Variants in ZBTB8OS observed in about 807,000 individuals in gnomAD.
ZBTB8OS encodes the protein tRNA-splicing ligase-activating factor archease.
A neutral mutation model predicts 29.3 loss-of-function variants in ZBTB8OS; 16 were observed. That is an observed-to-expected ratio of 0.55 (90% CI 0.37 to 0.83). The LOEUF (loss-of-function observed/expected upper bound fraction) is 0.83. Ranked by LOEUF, ZBTB8OS falls within the 40% of genes least tolerant of loss-of-function variation. ZBTB8OS has a pLI of 0.00. For missense variants in ZBTB8OS, 160 were observed against 196.9 expected (o/e 0.81, Z 1.12); for synonymous variants, 70 against 64.6 (o/e 1.08, Z -0.40).
At chr1:32,630,582 TTAAA>T (rs1288073408) in intron 5 of ZBTB8OS, among the ~76,000 whole-genome samples, 1 of 148,630 alleles carries the variant, frequency 6.7e-6, no homozygotes, top group Non-Finnish European at 1.5e-5. Flanking sequence ...TCAAATTAAA[TTAAA>T]TTAAATGGAG....
chr1:32,625,107 C>T (rs1248146634), intron 6 of ZBTB8OS, among the ~76,000 whole-genome samples: 1 of 150,162 alleles, frequency 6.7e-6, no homozygotes. Context: ...CCTGTAATCC[C>T]AGCTACTCGG....
At chr1:32,631,934 T>C in intron 4 of ZBTB8OS, 55 bp from the exon 5 acceptor site, 1 of 800,420 alleles carries the variant, frequency 1.2e-6, no homozygotes, top group Non-Finnish European at 1.8e-6. Flanking sequence ...GACTATCTAC[T>C]AAAAATCTTT....
rs1645824766 is a variant in ZBTB8OS at position 32,634,741 on chromosome 1, AAAGGAATG to A, written c.122+19_122+26del. On this transcript the variant is annotated intron_variant, in intron 2 of 6. Coordinates refer to ENST00000468695, the MANE Select transcript of ZBTB8OS (RefSeq NM_178547.5). ...TCAGTCTTCCTACTGACGTGGTTTC[AAAGGAATG>A]AACTCCCGCTATACTCACTGGACAT... 6.2e-7 allele frequency: 1 copy of A among 1,613,986 alleles called. No homozygotes were observed. Among genetic ancestry groups the A allele is most frequent in the Non-Finnish European group, 8.5e-7 (1 of 1,179,910 alleles).
At chr1:32,628,192 T>C (rs58647911) in intron 5 of ZBTB8OS, among the ~76,000 whole-genome samples, 10,137 of 150,960 alleles carry the variant, frequency 0.067, 1,115 homozygotes, top group African/African-American at 0.23. Context: ...ACCCTGTCTC[T>C]ACTAAAAACA....
chr1:32,634,831 CTT>C, intron 1 of ZBTB8OS, 39 bp from the exon 2 acceptor site: 3 of 1,334,160 alleles, frequency 2.2e-6, no homozygotes, highest in Non-Finnish European at 1.1e-6. Flanking sequence ...AGACACTAAA[CTT>C]GACTCTCAAA....
intron 6 of ZBTB8OS, among the ~76,000 whole-genome samples, chr1:32,624,455 G>A (rs1205926812): frequency 1.3e-5 from 2 of 152,214 alleles, no homozygotes; most frequent in South Asian, 4.1e-4. Context: ...CTGAATGCAT[G>A]CATAAATTCA....
chr1:32,630,969 C>T (rs1015284290), intron 5 of ZBTB8OS, among the ~76,000 whole-genome samples: 7 of 151,932 alleles, frequency 4.6e-5, no homozygotes, highest in African/African-American at 1.7e-4. Context: ...GCTGAGATCA[C>T]ACACTCCAGC....
chr1:32,633,409 A>G (rs1486427484), intron 4 of ZBTB8OS: 2 of 401,462 alleles, frequency 5.0e-6, no homozygotes, highest in Non-Finnish European at 9.0e-6. Flanking sequence ...GTACATTTTT[A>G]TCACACAATC....
chr1:32,644,445 A>T (rs1460113920), intron 1 of ZBTB8OS, among the ~76,000 whole-genome samples: 1 of 151,914 alleles, frequency 6.6e-6, no homozygotes, highest in Non-Finnish European at 1.5e-5. Flanking sequence ...GAGTTAGTAA[A>T]TACCAGGTTG....
chr1:32,648,210 A>T (rs1647002137), intron 1 of ZBTB8OS, among the ~76,000 whole-genome samples: 1 of 152,246 alleles, frequency 6.6e-6, no homozygotes, highest in South Asian at 2.1e-4. Flanking sequence ...GTATGGTAAC[A>T]ATTAGTAGAA....
chr1:32,627,752 TA>T (rs1421955714), intron 5 of ZBTB8OS: 1 of 576,502 alleles, frequency 1.7e-6, no homozygotes, highest in African/African-American at 1.9e-5. Context: ...GGTTGATAGT[TA>T]AGGCCAGGTG....
chr1:32,641,065 G>C (rs142402743), intron 1 of ZBTB8OS, among the ~76,000 whole-genome samples: 2 of 149,262 alleles, frequency 1.3e-5, no homozygotes, highest in Admixed American at 1.3e-4. Context: ...CCAGCTAATC[G>C]GGAGGCCGAG....
At chr1:32,647,908 C>A (rs1196663007) in intron 1 of ZBTB8OS, among the ~76,000 whole-genome samples, 1 of 152,150 alleles carries the variant, frequency 6.6e-6, no homozygotes, top group Non-Finnish European at 1.5e-5. Context: ...TCCCCTACAA[C>A]CCCCGTTGGT....
In ZBTB8OS at chr1:32,628,971, T is replaced by TA. The variant is rs527382584; in HGVS notation, c.381-1428dup. Among the ~76,000 whole-genome samples, 72 of 152,082 alleles carry TA rather than the reference T, an allele frequency of 4.7e-4. No homozygotes were observed. The East Asian group carries it at 0.013, about 28-fold the overall frequency. ...AACAAAAAATTAATTTTAAAAACTT[T>TA]AAAAAAAGGTTGATAGTTGATCTCA... On this transcript the variant is annotated intron_variant, in intron 5 of 6. Transcript: ENST00000468695.
At chr1:32,649,668 A>ACACAC (rs1491538426) in intron 1 of ZBTB8OS, among the ~76,000 whole-genome samples, 1 of 31,126 alleles carries the variant, frequency 3.2e-5, no homozygotes, top group Non-Finnish European at 6.4e-5. Context: ...ACACACACAC[A>ACACAC]TTTTTTTTTT....
chr1:32,640,641 AAGT>A lies in ZBTB8OS; in HGVS notation c.98-5852_98-5850del, dbSNP rs1180196349. 4.6e-5 allele frequency among the ~76,000 whole-genome samples: 7 copies of A among 152,070 alleles called. No homozygotes were observed. In the East Asian group the frequency reaches 1.2e-3, roughly 25 times the overall value. Reference sequence around the variant, plus strand: ...GTGATACTTCTGCCTCAAGTCTCCCAAGTGGTAAGGACTACAGACACGCACCAC... The same window carrying A: ...GTGATACTTCTGCCTCAAGTCTCCCAGGTAAGGACTACAGACACGCACCAC... On this transcript the variant is annotated intron_variant, in intron 1 of 6. Transcript: ENST00000468695.
chr1:32,643,867 TG>T (rs1646629264), intron 1 of ZBTB8OS, among the ~76,000 whole-genome samples: 1 of 151,868 alleles, frequency 6.6e-6, no homozygotes, highest in African/African-American at 2.4e-5. Flanking sequence ...TTGCACAGGT[TG>T]CTCAAACTCC....
intron 1 of ZBTB8OS, among the ~76,000 whole-genome samples, chr1:32,642,730 T>C (rs1293210844): frequency 4.4e-5 from 2 of 45,950 alleles, no homozygotes; most frequent in Non-Finnish European, 9.1e-5. Flanking sequence ...CAATCTTTTA[T>C]CTTAACCAGA....
In ZBTB8OS at chr1:32,633,933, T is replaced by C. The variant is rs539155110; in HGVS notation, c.244+18A>G. On this transcript the variant is annotated intron_variant, in intron 3 of 6. Coordinates refer to ENST00000468695, the MANE Select transcript of ZBTB8OS (RefSeq NM_178547.5). The stretch of plus-strand genomic sequence containing the variant: ...CAGTACTGTATAACAATTTCTTCCT[T>C]GTGAATAAATCATTTACCTTGGGTT... The C allele has an allele frequency of 6.4e-7, 1 of 1,554,930 alleles. No individual in the cohort carries two copies. Among genetic ancestry groups the C allele is most frequent in the East Asian group, 2.3e-5 (1 of 44,226 alleles).
Sources: allele counts gnomAD v4.1 joint callset (sites outside exome capture counted in the v4.1 genomes callset), GRCh38; gene constraint gnomAD v4.1.1; transcripts MANE v1.5; gene names NCBI Gene and HGNC (gene_info 2026-07-23, HGNC 2026-07-21).